TAOK3: variants seen among roughly 807,000 people sequenced by gnomAD.
The protein encoded by TAOK3 is serine/threonine-protein kinase TAO3.
A neutral mutation model predicts 120.4 loss-of-function variants in TAOK3; 40 were observed. The observed-to-expected ratio is 0.33, with a 90% CI of 0.26 to 0.43. TAOK3 has a LOEUF of 0.43. TAOK3 is among the 20% of genes least tolerant of loss of function. TAOK3 has a pLI of 1.00. For synonymous variants in TAOK3, 355 were observed against 387.5 expected, an observed-to-expected ratio of 0.92 and a Z score of 0.99; for missense variants, 821 against 1,112.1, an observed-to-expected ratio of 0.74 and a Z score of 3.72.
chr12:118,295,780 C>G (rs2042658307), intron 1 of TAOK3, among the ~76,000 whole-genome samples: 1 of 152,136 alleles, frequency 6.6e-6, no homozygotes, highest in Non-Finnish European at 1.5e-5. Context: ...AAAATCTGTG[C>G]CCATTTCTGA....
At chr12:118,201,835 T>A (rs561674239) in intron 11 of TAOK3, among the ~76,000 whole-genome samples, 1 of 152,282 alleles carries the variant, frequency 6.6e-6, no homozygotes, top group South Asian at 2.1e-4. Context: ...CCGAAAATCT[T>A]TAGTCTTAGC....
intron 17 of TAOK3, among the ~76,000 whole-genome samples, chr12:118,165,691 G>A (rs1357749877): frequency 6.6e-6 from 1 of 152,196 alleles, no homozygotes; most frequent in Non-Finnish European, 1.5e-5. Flanking sequence ...GGTGTAAAAT[G>A]AGGATAGCAG....
chr12:118,266,894 G>A (rs2041471160), intron 1 of TAOK3, 135 bp from the exon 2 acceptor site: 2 of 359,584 alleles, frequency 5.6e-6, no homozygotes, highest in East Asian at 4.0e-5. Context: ...TTTGTGGATG[G>A]CAAAGTTAAA....
At position 118,323,904 on chromosome 12, in the gene TAOK3, T is replaced by C. The variant is rs138388291; in HGVS notation, c.-194+48744A>G. On this transcript the variant is annotated intron_variant, in intron 1 of 20. Coordinates refer to ENST00000392533, the MANE Select transcript of TAOK3 (RefSeq NM_016281.4). The stretch of plus-strand genomic sequence containing the variant: ...TGAACAAATTAAGAGGAATAACATA[T>C]GGGAATGAACTGATACAAATTAATA... Among the ~76,000 whole-genome samples the C allele has an allele frequency of 3.6e-4, 55 of 152,174 alleles. 1 individual carries two copies. In the East Asian group the frequency reaches 0.01, roughly 29 times the overall value.
chr12:118,196,555 G>A (rs979065833), intron 13 of TAOK3, among the ~76,000 whole-genome samples: 1 of 152,086 alleles, frequency 6.6e-6, no homozygotes, highest in Non-Finnish European at 1.5e-5. Context: ...ATATCTGCTT[G>A]ATTATAACAA....
chr12:118,185,974 C>A (rs2037049746), intron 14 of TAOK3, among the ~76,000 whole-genome samples: 1 of 152,156 alleles, frequency 6.6e-6, no homozygotes, highest in Non-Finnish European at 1.5e-5. Flanking sequence ...CATTTTCAAG[C>A]ATTTAGAAAC....
chr12:118,354,895 C>T (rs117560423), intron 1 of TAOK3, among the ~76,000 whole-genome samples: 1,781 of 151,908 alleles, frequency 0.012, 63 homozygotes, highest in East Asian at 0.068. Flanking sequence ...TTATTAGCAG[C>T]GTGAAAACAG....
chr12:118,240,356 T>C (rs1375712267), intron 5 of TAOK3, among the ~76,000 whole-genome samples: 1 of 151,878 alleles, frequency 6.6e-6, no homozygotes, highest in Non-Finnish European at 1.5e-5. Flanking sequence ...ATTTTGTATT[T>C]TTAGTAGAGA....
At chr12:118,229,763 C>T (rs1464305173) in intron 9 of TAOK3, among the ~76,000 whole-genome samples, 1 of 151,920 alleles carries the variant, frequency 6.6e-6, no homozygotes, top group Non-Finnish European at 1.5e-5. Context: ...AACCCCGTCT[C>T]TACTAAAAAT....
At chr12:118,227,179 T>C (rs1250780294) in intron 9 of TAOK3, among the ~76,000 whole-genome samples, 5 of 151,256 alleles carry the variant, frequency 3.3e-5, no homozygotes, top group Non-Finnish European at 7.4e-5. Flanking sequence ...GTAACTGAGG[T>C]GTTGCTATGA....
chr12:118,342,812 T>C (rs778028347), intron 1 of TAOK3, among the ~76,000 whole-genome samples: 3 of 151,756 alleles, frequency 2.0e-5, no homozygotes, highest in Non-Finnish European at 4.4e-5. Flanking sequence ...CAGGTGCCTG[T>C]AGTCCCAGGT....
At chr12:118,310,838 A>AG (rs1479979897) in intron 1 of TAOK3, among the ~76,000 whole-genome samples, 1 of 152,238 alleles carries the variant, frequency 6.6e-6, no homozygotes, top group Non-Finnish European at 1.5e-5. Context: ...CGTGTAGTGT[A>AG]GATAGCCTTA....
chr12:118,360,500 G>A (rs569915073), intron 1 of TAOK3, among the ~76,000 whole-genome samples: 7 of 150,878 alleles, frequency 4.6e-5, no homozygotes, highest in East Asian at 1.9e-4. Context: ...CCAGGAAGGC[G>A]GAGCTTGCAG....
chr12:118,341,749 G>A (rs952210773), intron 1 of TAOK3, among the ~76,000 whole-genome samples: 2 of 152,220 alleles, frequency 1.3e-5, no homozygotes. Context: ...GGCTAGGTGT[G>A]GTGGCTAATG....
chr12:118,199,356 T>C (rs1593133070), intron 12 of TAOK3, 99 bp from the exon 13 acceptor site: 1 of 959,120 alleles, frequency 1.0e-6, no homozygotes, highest in East Asian at 2.6e-5. Context: ...CAGTGTCAAG[T>C]TGCTTTTCTG....
intron 1 of TAOK3, among the ~76,000 whole-genome samples, chr12:118,306,221 A>T (rs1008723698): frequency 6.6e-6 from 1 of 152,046 alleles, no homozygotes; most frequent in African/African-American, 2.4e-5. Context: ...TGGTGTATAG[A>T]TTATTTTGTC....
rs529709036 is a variant in TAOK3 at position 118,369,642 on chromosome 12, T to C, written c.-194+3006A>G. ...CTCAATCCTTCCACAGGCCATTTCA[T>C]ACATTATATGCATTGCAAAATGAAT... On this transcript the variant is annotated intron_variant, in intron 1 of 20. Coordinates refer to ENST00000392533, the MANE Select transcript of TAOK3 (RefSeq NM_016281.4). 3.3e-5 allele frequency among the ~76,000 whole-genome samples: 5 copies of C among 152,342 alleles called. No homozygotes were observed. The East Asian group carries it at 7.7e-4, about 23-fold the overall frequency.
chr12:118,246,843 G>C, intron 3 of TAOK3: 1 of 1,299,192 alleles, frequency 7.7e-7, no homozygotes, highest in Non-Finnish European at 1.1e-6. Context: ...CCTGACCCCC[G>C]ACCTCTGGAA....
intron 1 of TAOK3, among the ~76,000 whole-genome samples, chr12:118,321,082 T>G (rs941693776): frequency 2.0e-5 from 3 of 152,112 alleles, no homozygotes; most frequent in Admixed American, 6.5e-5. Context: ...ATGGAAAAAA[T>G]CTAGAAGAAT....
Sources: allele counts gnomAD v4.1 joint callset (sites outside exome capture counted in the v4.1 genomes callset), GRCh38; gene constraint gnomAD v4.1.1; transcripts MANE v1.5; gene names NCBI Gene and HGNC (gene_info 2026-07-23, HGNC 2026-07-21).